Variants in EXOC4 observed in about 807,000 individuals in gnomAD.
EXOC4 encodes the protein SEC8-like 1.
A neutral mutation model predicts 107.2 loss-of-function variants in EXOC4; 71 were observed. The observed-to-expected ratio is 0.66, with a 90% CI of 0.55 to 0.81. EXOC4 has a LOEUF of 0.81. Ranked by LOEUF, EXOC4 falls within the 30% of genes least tolerant of loss-of-function variation. The pLI, the probability that EXOC4 is intolerant of heterozygous loss-of-function variation, is 0.00. For synonymous variants in EXOC4, 456 were observed against 441.2 expected, an observed-to-expected ratio of 1.03 and a Z score of -0.42; for missense variants, 1,108 against 1,189.6, an observed-to-expected ratio of 0.93 and a Z score of 1.01.
chr7:133,856,210 G>A (rs908391803), intron 11 of EXOC4, among the ~76,000 whole-genome samples: 1 of 152,174 alleles, frequency 6.6e-6, no homozygotes, highest in Non-Finnish European at 1.5e-5. Context: ...GCTATAAAAC[G>A]GAAGTAATAC....
At chr7:133,496,320 A>G (rs1799476300) in intron 9 of EXOC4, among the ~76,000 whole-genome samples, 1 of 152,042 alleles carries the variant, frequency 6.6e-6, no homozygotes, top group Non-Finnish European at 1.5e-5. Flanking sequence ...CGCATGCACC[A>G]TCACACCTGG....
chr7:133,778,350 A>G (rs909115811), intron 10 of EXOC4, among the ~76,000 whole-genome samples: 2 of 152,208 alleles, frequency 1.3e-5, no homozygotes, highest in Non-Finnish European at 2.9e-5. Flanking sequence ...ATCGAAGACC[A>G]GAAGAGAGAC....
At chr7:134,073,157 G>A in the EXOC4 span, among the ~76,000 whole-genome samples, 1 of 118,914 alleles carries the variant, frequency 8.4e-6, no homozygotes, top group Non-Finnish European at 1.6e-5. Context: ...AGTGAGCCAA[G>A]ACCATGCCAT....
intron 9 of EXOC4, chr7:133,484,059 A>T: frequency 6.2e-7 from 1 of 1,614,022 alleles, no homozygotes; most frequent in South Asian, 1.1e-5. Flanking sequence ...GAAGAAATCC[A>T]CCAGAAAGAC....
intron 10 of EXOC4, among the ~76,000 whole-genome samples, chr7:133,816,466 G>A (rs1797371433): frequency 6.6e-6 from 1 of 152,076 alleles, no homozygotes; most frequent in African/African-American, 2.4e-5. Context: ...TGCAAGTAAG[G>A]TTGAAGTTCT....
intron 12 of EXOC4, among the ~76,000 whole-genome samples, chr7:133,907,035 T>C (rs1487134782): frequency 6.6e-6 from 1 of 152,174 alleles, no homozygotes; most frequent in Non-Finnish European, 1.5e-5. Context: ...AGCCACCATC[T>C]TGGGAGCTCT....
chr7:133,574,482 C>G (rs910744994), intron 9 of EXOC4, among the ~76,000 whole-genome samples: 5 of 152,116 alleles, frequency 3.3e-5, no homozygotes, highest in African/African-American at 4.8e-5. Flanking sequence ...TTGTTACTTG[C>G]CCTGATTTTG....
intron 9 of EXOC4, among the ~76,000 whole-genome samples, chr7:133,558,760 A>G (rs936907159): frequency 6.6e-6 from 1 of 152,104 alleles, no homozygotes; most frequent in Non-Finnish European, 1.5e-5. Context: ...AAGATATCAG[A>G]GTTAACACTT....
chr7:133,581,235 TA>T (rs1319382875), intron 9 of EXOC4, among the ~76,000 whole-genome samples: 1 of 152,190 alleles, frequency 6.6e-6, no homozygotes, highest in Non-Finnish European at 1.5e-5. Flanking sequence ...CTGAGAACCT[TA>T]TTTGACAGCT....
chr7:133,291,763 C>A (rs1316586330), intron 3 of EXOC4, among the ~76,000 whole-genome samples: 1 of 151,980 alleles, frequency 6.6e-6, no homozygotes, highest in Non-Finnish European at 1.5e-5. Context: ...CTTCTTTAAC[C>A]CGTCGAAAGT....
chr7:133,823,653 T>G (rs976216650), intron 11 of EXOC4, among the ~76,000 whole-genome samples: 23 of 149,252 alleles, frequency 1.5e-4, no homozygotes, highest in Admixed American at 1.5e-3. Context: ...TGTCTATAAC[T>G]AAAAATACAA....
intron 11 of EXOC4, among the ~76,000 whole-genome samples, chr7:133,877,089 T>G: frequency 6.6e-6 from 1 of 152,260 alleles, no homozygotes; most frequent in South Asian, 2.1e-4. Flanking sequence ...TCTCCTATTT[T>G]TTTTTTAATC....
intron 9 of EXOC4, among the ~76,000 whole-genome samples, chr7:133,629,747 T>C (rs566192060): frequency 6.6e-6 from 1 of 151,994 alleles, no homozygotes; most frequent in South Asian, 2.1e-4. Context: ...TTCACCATAT[T>C]GACCAGGCTG....
At chr7:133,326,875 C>T (rs892003168) in intron 5 of EXOC4, among the ~76,000 whole-genome samples, 1 of 152,224 alleles carries the variant, frequency 6.6e-6, no homozygotes, top group East Asian at 1.9e-4. Context: ...GCTTCCTGGC[C>T]CCTTTGTTTA....
At chr7:133,338,300 A>AAT (rs1795568409) in intron 5 of EXOC4, among the ~76,000 whole-genome samples, 1 of 151,952 alleles carries the variant, frequency 6.6e-6, no homozygotes, top group Non-Finnish European at 1.5e-5. Context: ...ATTTTTAAAA[A>AAT]TTTTTTATTT....
chr7:133,571,679 C>CAAA (rs79894289), intron 9 of EXOC4, among the ~76,000 whole-genome samples: 1 of 112,206 alleles, frequency 8.9e-6, no homozygotes, highest in Admixed American at 9.3e-5. Flanking sequence ...TGCCTCAAAG[C>CAAA]AAAAAAAAAA....
chr7:133,869,770 G>A (rs150237827), intron 11 of EXOC4, among the ~76,000 whole-genome samples: 4 of 152,288 alleles, frequency 2.6e-5, no homozygotes, highest in African/African-American at 9.6e-5. Flanking sequence ...CAATAAAACT[G>A]AAAGGGCCTC....
intron 15 of EXOC4, among the ~76,000 whole-genome samples, chr7:134,000,403 C>T (rs1794505285): frequency 6.6e-6 from 1 of 152,146 alleles, no homozygotes; most frequent in African/African-American, 2.4e-5. Context: ...CATCGAGCAG[C>T]TCTTCCAGGT....
intron 7 of EXOC4, among the ~76,000 whole-genome samples, chr7:133,388,010 C>CA (rs146204953): frequency 0.31 from 45,063 of 147,498 alleles, 7,934 homozygotes; most frequent in East Asian, 0.5. Flanking sequence ...TTACCAAAAA[C>CA]AAAAAAAAAA....
Sources: allele counts gnomAD v4.1 joint callset (sites outside exome capture counted in the v4.1 genomes callset), GRCh38; gene constraint gnomAD v4.1.1; transcripts MANE v1.5; gene names NCBI Gene and HGNC (gene_info 2026-07-23, HGNC 2026-07-21).